The following TMC1 variants were observed in gnomAD, a reference collection of about 807,000 sequenced individuals.
The protein encoded by TMC1 is transmembrane channel like 1.
In TMC1, 84 loss-of-function variants were observed where a neutral mutation model predicts 105.8. That is an observed-to-expected ratio of 0.79 (90% CI 0.67 to 0.95). TMC1 has a LOEUF of 0.95. Ranked by LOEUF, TMC1 falls within the 40% of genes least tolerant of loss-of-function variation. The pLI is 0.00. For missense variants in TMC1, 817 were observed against 914.1 expected (o/e 0.89, Z 1.37); for synonymous variants, 315 against 311.5 (o/e 1.01, Z -0.12).
intron 8 of TMC1, among the ~76,000 whole-genome samples, chr9:72,710,901 A>G (rs1300940007): frequency 1.3e-5 from 2 of 152,110 alleles, no homozygotes; most frequent in Non-Finnish European, 2.9e-5. Flanking sequence ...CGTCATCCAC[A>G]TTGGGTATTT....
At chr9:72,811,887 A>AAT (rs1359692930) in intron 18 of TMC1, among the ~76,000 whole-genome samples, 1 of 152,206 alleles carries the variant, frequency 6.6e-6, no homozygotes, top group Non-Finnish European at 1.5e-5. Flanking sequence ...GAAACTCTAC[A>AAT]AAATACTTTA....
At chr9:72,545,304 T>C (rs778461644) in intron 1 of TMC1, among the ~76,000 whole-genome samples, 7 of 148,092 alleles carry the variant, frequency 4.7e-5, no homozygotes, top group Non-Finnish European at 8.9e-5. Context: ...AATTAATACT[T>C]TGTAATTACA....
In TMC1 at chr9:72,694,631, G is replaced by A. The variant is rs1259193399; in HGVS notation, c.153G>A (p.Glu51=). The change falls in exon 7 of 24, where the codon GAG becomes GAA. Residue 51 remains glutamate, a synonymous_variant. Transcript: ENST00000297784. ...KRKRTRDVIN[E]DDPEPEPEDE... ...AACGGACCAGAGATGTTATCAATGA[G>A]GATGACCCAGAACCTGAACCAGAGG... The A allele has an allele frequency of 6.2e-7, 1 of 1,612,802 alleles. No homozygotes were observed. The highest frequency in any genetic ancestry group is 8.5e-7 in the Non-Finnish European group (1 of 1,179,472).
At chr9:72,621,302 G>T (rs1342275440) in intron 3 of TMC1, among the ~76,000 whole-genome samples, 2 of 152,070 alleles carry the variant, frequency 1.3e-5, no homozygotes, top group Non-Finnish European at 2.9e-5. Flanking sequence ...TGCTCTCAGG[G>T]GATCAAGCTA....
intron 8 of TMC1, among the ~76,000 whole-genome samples, chr9:72,718,394 G>GTTCCC (rs553643100): frequency 8.2e-4 from 125 of 152,320 alleles, no homozygotes; most frequent in African/African-American, 2.9e-3. Context: ...CCCATGGGGT[G>GTTCCC]TTCCCTTGAT....
At position 72,627,935 on chromosome 9, in the gene TMC1, C is replaced by T; in HGVS notation, c.-181C>T. Reference sequence around the variant, plus strand: ...TCATATTTTAGGATGCCAGAAGCCTCAAAAATGGAAAACCCCCTGTGCTTC... The same window carrying T: ...TCATATTTTAGGATGCCAGAAGCCTTAAAAATGGAAAACCCCCTGTGCTTC... On this transcript the variant is annotated 5_prime_UTR_variant, in exon 4 of 24. It introduces an in-frame stop codon into an upstream open reading frame of the 5' UTR. Transcript: ENST00000297784. 3 of 410,338 alleles carry T rather than the reference C, an allele frequency of 7.3e-6. No homozygotes were observed. Among genetic ancestry groups the T allele is most frequent in the Non-Finnish European group, 1.5e-5 (3 of 206,690 alleles). 25.4% of individuals were successfully genotyped at this position (410,338 alleles called of 1,614,324 possible).
At chr9:72,615,377 C>G (rs1825109440) in intron 2 of TMC1, among the ~76,000 whole-genome samples, 1 of 152,084 alleles carries the variant, frequency 6.6e-6, no homozygotes, top group Non-Finnish European at 1.5e-5. Context: ...AATTTTAGAG[C>G]CTATTTTCAA....
intron 13 of TMC1, among the ~76,000 whole-genome samples, chr9:72,780,209 G>C (rs551260777): frequency 6.6e-6 from 1 of 152,252 alleles, no homozygotes; most frequent in South Asian, 2.1e-4. Context: ...ACATGCAAAT[G>C]CTAAAGGAAT....
intron 1 of TMC1, among the ~76,000 whole-genome samples, chr9:72,568,267 C>T (rs951480027): frequency 6.6e-6 from 1 of 152,160 alleles, no homozygotes; most frequent in Non-Finnish European, 1.5e-5. Context: ...CAAGCTTGAC[C>T]TATAGAGAGC....
intron 1 of TMC1, among the ~76,000 whole-genome samples, chr9:72,556,898 C>T (rs888773313): frequency 3.3e-5 from 5 of 152,096 alleles, no homozygotes; most frequent in African/African-American, 9.7e-5. Flanking sequence ...GGACATTTGA[C>T]AATGGCTGGG....
intron 19 of TMC1, among the ~76,000 whole-genome samples, chr9:72,817,817 T>G (rs931897631): frequency 6.6e-6 from 1 of 152,200 alleles, no homozygotes; most frequent in African/African-American, 2.4e-5. Context: ...CGTGGGCAGA[T>G]CCATTATCAA....
At chr9:72,534,203 T>G (rs527523753) in intron 1 of TMC1, among the ~76,000 whole-genome samples, 1 of 152,236 alleles carries the variant, frequency 6.6e-6, no homozygotes, top group Admixed American at 6.5e-5. Flanking sequence ...TTTCCCAACA[T>G]TAAGTGTCAG....
At chr9:72,544,142 G>T (rs1029545913) in intron 1 of TMC1, among the ~76,000 whole-genome samples, 1 of 151,864 alleles carries the variant, frequency 6.6e-6, no homozygotes, top group Non-Finnish European at 1.5e-5. Context: ...AGTAGAAATG[G>T]GTTTCACCAT....
intron 4 of TMC1, among the ~76,000 whole-genome samples, chr9:72,639,084 C>T (rs905818488): frequency 1.3e-5 from 2 of 151,730 alleles, no homozygotes; most frequent in Non-Finnish European, 2.9e-5. Flanking sequence ...CGTAAGTATG[C>T]ATTTATTTTT....
chr9:72,618,535 C>T (rs1380948953), intron 3 of TMC1, among the ~76,000 whole-genome samples: 3 of 151,442 alleles, frequency 2.0e-5, no homozygotes, highest in African/African-American at 7.3e-5. Context: ...GCATCCCTAT[C>T]GAGATAGAAA....
chr9:72,620,201 G>GAA (rs35400310), intron 3 of TMC1, among the ~76,000 whole-genome samples: 4 of 151,522 alleles, frequency 2.6e-5, no homozygotes, highest in East Asian at 3.9e-4. Context: ...GCCAAGCAAA[G>GAA]AAAAAAATGT....
intron 3 of TMC1, among the ~76,000 whole-genome samples, chr9:72,623,147 GTTTTTTTTTTTTTTC>G (rs1169729872): frequency 8.8e-6 from 1 of 113,716 alleles, no homozygotes; most frequent in Admixed American, 1.0e-4. Context: ...CTCTCTCCCT[GTTTTTTTTTTTTTTC>G]TTTTTTTTTT....
At chr9:72,660,172 TG>T (rs1030715971) in intron 5 of TMC1, among the ~76,000 whole-genome samples, 2 of 152,200 alleles carry the variant, frequency 1.3e-5, no homozygotes, top group African/African-American at 4.8e-5. Flanking sequence ...TGACACTTCC[TG>T]GGTAATGAAC....
chr9:72,666,494 G>GC (rs1297708788), intron 5 of TMC1, among the ~76,000 whole-genome samples: 1 of 152,108 alleles, frequency 6.6e-6, no homozygotes, highest in Non-Finnish European at 1.5e-5. Flanking sequence ...TAACCAAAAG[G>GC]CCCCAAGACA....
Sources: gnomAD v4.1 joint callset for allele counts (sites outside exome capture counted in the v4.1 genomes callset) on GRCh38, gnomAD v4.1.1 for gene constraint, MANE v1.5 for transcripts, NCBI Gene and HGNC (gene_info 2026-07-23, HGNC 2026-07-21) for gene names.